AGBL4: variants seen among roughly 807,000 people sequenced by gnomAD.
AGBL4 encodes the protein cytosolic carboxypeptidase 6.
In AGBL4, 58 loss-of-function variants were observed where a neutral mutation model predicts 66.4. The ratio of observed to expected loss-of-function variants is 0.87; its 90% CI spans 0.71 to 1.09. The LOEUF is 1.09. AGBL4 is among the 50% of genes least tolerant of loss of function. The probability of loss-of-function intolerance (pLI) is 0.00; values close to 1 mark genes in which losing one functional copy is unlikely to be tolerated. For synonymous variants in AGBL4, 234 were observed against 222.9 expected, an observed-to-expected ratio of 1.05 and a Z score of -0.44; for missense variants, 579 against 631.0, an observed-to-expected ratio of 0.92 and a Z score of 0.88.
At chr1:49,794,621 A>G (rs916975797) in intron 2 of AGBL4, among the ~76,000 whole-genome samples, 2 of 151,990 alleles carry the variant, frequency 1.3e-5, no homozygotes, top group Admixed American at 6.6e-5. Flanking sequence ...CTGTTATAAT[A>G]CATTGGATTT....
At chr1:49,424,671 A>T (rs1331895956) in intron 3 of AGBL4, among the ~76,000 whole-genome samples, 1 of 152,190 alleles carries the variant, frequency 6.6e-6, no homozygotes, top group Non-Finnish European at 1.5e-5. Context: ...AAGCCTCTGT[A>T]TTCTTCTGTA....
chr1:49,068,737 T>C (rs902365499), intron 4 of AGBL4, among the ~76,000 whole-genome samples: 1 of 152,212 alleles, frequency 6.6e-6, no homozygotes, highest in African/African-American at 2.4e-5. Context: ...ATCCTTTGGG[T>C]ATATACCCAG....
At chr1:48,820,013 T>C (rs1646275920) in intron 6 of AGBL4, among the ~76,000 whole-genome samples, 1 of 152,246 alleles carries the variant, frequency 6.6e-6, no homozygotes, top group African/African-American at 2.4e-5. Flanking sequence ...TTGTGCTGTG[T>C]GTTTTCATGC....
intron 5 of AGBL4, among the ~76,000 whole-genome samples, chr1:48,890,442 T>G (rs1053760003): frequency 5.3e-5 from 8 of 152,224 alleles, no homozygotes; most frequent in African/African-American, 1.9e-4. Flanking sequence ...TTTATTGGAG[T>G]AAGAATCTAT....
intron 4 of AGBL4, among the ~76,000 whole-genome samples, chr1:49,084,726 G>T (rs779596251): frequency 9.2e-5 from 14 of 152,010 alleles, no homozygotes; most frequent in Non-Finnish European, 1.8e-4. Context: ...CTTCCTTTTG[G>T]CCTCTTCCCT....
intron 5 of AGBL4, among the ~76,000 whole-genome samples, chr1:49,043,640 A>T (rs1644003237): frequency 6.6e-6 from 1 of 152,172 alleles, no homozygotes; most frequent in African/African-American, 2.4e-5. Context: ...TAGCATGCTG[A>T]CTCATATACC....
chr1:49,231,645 A>G (rs1650318718), intron 4 of AGBL4, among the ~76,000 whole-genome samples: 1 of 152,206 alleles, frequency 6.6e-6, no homozygotes, highest in African/African-American at 2.4e-5. Flanking sequence ...TTACTCACTC[A>G]TACACATACA....
chr1:48,879,404 G>A (rs1037790494), intron 5 of AGBL4, among the ~76,000 whole-genome samples: 1 of 151,840 alleles, frequency 6.6e-6, no homozygotes, highest in Non-Finnish European at 1.5e-5. Flanking sequence ...TGAAAAACAA[G>A]CATTGTTTAT....
intron 1 of AGBL4, among the ~76,000 whole-genome samples, chr1:49,938,747 C>A (rs936406838): frequency 2.0e-5 from 3 of 152,144 alleles, no homozygotes; most frequent in Non-Finnish European, 4.4e-5. Flanking sequence ...ACAAAAACCA[C>A]ATGATTATCT....
intron 1 of AGBL4, among the ~76,000 whole-genome samples, chr1:50,013,969 T>C (rs1367930530): frequency 6.6e-6 from 1 of 152,200 alleles, no homozygotes; most frequent in Non-Finnish European, 1.5e-5. Flanking sequence ...AGAGAAACAC[T>C]ATTACACATT....
chr1:49,957,592 T>G (rs1656728077), intron 1 of AGBL4, among the ~76,000 whole-genome samples: 1 of 152,032 alleles, frequency 6.6e-6, no homozygotes, highest in African/African-American at 2.4e-5. Flanking sequence ...CTTGTTGAAT[T>G]GATCCCTTTA....
rs551015124 is a variant in AGBL4, at chr1:49,882,564, T to A, written c.35-31046A>T. On this transcript the variant is annotated intron_variant, in intron 1 of 13. Transcript: ENST00000371839. ...TTCTTTGTATCCTCTTTAATTTCAT[T>A]GAGCAGTGGTTTGTAGTTCTCCTTG... is the stretch of plus-strand genomic sequence containing the variant. 5.3e-5 allele frequency among the ~76,000 whole-genome samples: 8 copies of A among 152,270 alleles called. No homozygotes were observed. In the East Asian group the frequency reaches 1.5e-3, roughly 29 times the overall value.
In AGBL4 at chr1:49,581,939, T is replaced by G. The variant is rs1298967339; in HGVS notation, c.282+115374A>C. Among the ~76,000 whole-genome samples, 3 of 152,158 alleles carry G rather than the reference T, an allele frequency of 2.0e-5. No individual in the cohort carries two copies. In the East Asian group the frequency reaches 5.8e-4, roughly 29 times the overall value. ...TGGTAGCAGCAGTGGTGAAGTGTTC[T>G]CCCAGGTCCCAAGCCCTGTGCTCTT... On this transcript the variant is annotated intron_variant, in intron 3 of 13. Coordinates refer to ENST00000371839, the MANE Select transcript of AGBL4 (RefSeq NM_032785.4).
intron 6 of AGBL4, among the ~76,000 whole-genome samples, chr1:48,683,797 G>C (rs1311172470): frequency 6.6e-6 from 1 of 152,172 alleles, no homozygotes; most frequent in African/African-American, 2.4e-5. Context: ...CATTAGCTCT[G>C]TAATTACCTA....
chr1:48,614,615 C>A (rs531516137), intron 9 of AGBL4, among the ~76,000 whole-genome samples: 1 of 152,284 alleles, frequency 6.6e-6, no homozygotes, highest in South Asian at 2.1e-4. Flanking sequence ...CCCTTATCCC[C>A]CAGTTTGCAT....
intron 4 of AGBL4, among the ~76,000 whole-genome samples, chr1:49,097,778 G>A (rs1383519254): frequency 2.0e-5 from 3 of 152,112 alleles, no homozygotes; most frequent in Admixed American, 6.6e-5. Flanking sequence ...ACGAGGTTTC[G>A]CCATGTTGGC....
At chr1:49,955,974 A>C (rs2148332897) in intron 1 of AGBL4, among the ~76,000 whole-genome samples, 1 of 152,032 alleles carries the variant, frequency 6.6e-6, no homozygotes, top group East Asian at 1.9e-4. Flanking sequence ...ACAGGATTTT[A>C]GGAAAATGGA....
intron 5 of AGBL4, among the ~76,000 whole-genome samples, chr1:48,970,151 A>C (rs1658787923): frequency 6.6e-6 from 1 of 152,160 alleles, no homozygotes; most frequent in African/African-American, 2.4e-5. Context: ...AATAAGCAGT[A>C]GACTTAATTG....
At chr1:49,378,991 A>G (rs1644531579) in intron 3 of AGBL4, among the ~76,000 whole-genome samples, 1 of 152,110 alleles carries the variant, frequency 6.6e-6, no homozygotes, top group African/African-American at 2.4e-5. Flanking sequence ...CCACCACTCT[A>G]TACCCATATA....
Sources: allele counts gnomAD v4.1 joint callset (sites outside exome capture counted in the v4.1 genomes callset), GRCh38; gene constraint gnomAD v4.1.1; transcripts MANE v1.5; gene names NCBI Gene and HGNC (gene_info 2026-07-23, HGNC 2026-07-21).